HCN1: variants seen among roughly 807,000 people sequenced by gnomAD.
HCN1 encodes the protein hyperpolarization activated cyclic nucleotide gated potassium channel 1.
Under a neutral mutation model 78.9 loss-of-function variants are expected in HCN1, and 13 were observed. The ratio of observed to expected loss-of-function variants is 0.16; its 90% CI spans 0.11 to 0.26. The LOEUF (loss-of-function observed/expected upper bound fraction) is 0.26, where lower values mean the gene tolerates loss of function less well. HCN1 is among the 10% of genes least tolerant of loss of function. HCN1 has a pLI of 1.00. For missense variants in HCN1, 810 were observed against 1,154.3 expected (o/e 0.70, Z 4.32); for synonymous variants, 552 against 455.5 (o/e 1.21, Z -2.70).
At chr5:45,616,548 T>G (rs1273356791) in intron 2 of HCN1, among the ~76,000 whole-genome samples, 1 of 152,146 alleles carries the variant, frequency 6.6e-6, no homozygotes, top group East Asian at 1.9e-4. Context: ...TAAGATTTTC[T>G]CAGCGTTTAA....
intron 2 of HCN1, among the ~76,000 whole-genome samples, chr5:45,577,714 T>C (rs1215676452): frequency 6.6e-6 from 1 of 152,068 alleles, no homozygotes; most frequent in African/African-American, 2.4e-5. Context: ...AAATGAGCTT[T>C]ATAAGAACTT....
chr5:45,354,400 G>A (rs2111984558), intron 4 of HCN1, among the ~76,000 whole-genome samples: 2 of 152,034 alleles, frequency 1.3e-5, no homozygotes, highest in East Asian at 1.9e-4. Context: ...GGATAAAGAT[G>A]TCAAAATAAT....
chr5:45,343,497 T>C (rs1746629308), intron 5 of HCN1, among the ~76,000 whole-genome samples: 1 of 152,126 alleles, frequency 6.6e-6, no homozygotes, highest in South Asian at 2.1e-4. Flanking sequence ...CTAAAGTTAA[T>C]TGATAGCATT....
intron 2 of HCN1, among the ~76,000 whole-genome samples, chr5:45,569,862 C>T (rs1326269898): frequency 6.6e-6 from 1 of 151,878 alleles, no homozygotes; most frequent in Non-Finnish European, 1.5e-5. Context: ...CATCATCATC[C>T]TATGATTTGG....
At chr5:45,341,493 G>T (rs1306637304) in intron 5 of HCN1, among the ~76,000 whole-genome samples, 2 of 152,276 alleles carry the variant, frequency 1.3e-5, no homozygotes, top group Non-Finnish European at 1.5e-5. Context: ...TTTCTTCAAA[G>T]AATTTTAACT....
At chr5:45,494,437 T>C (rs918240840) in intron 2 of HCN1, among the ~76,000 whole-genome samples, 4 of 151,978 alleles carry the variant, frequency 2.6e-5, no homozygotes, top group African/African-American at 9.7e-5. Context: ...GCCCACTTTT[T>C]GATGGGGTTG....
At chr5:45,427,764 T>C (rs919812810) in intron 3 of HCN1, among the ~76,000 whole-genome samples, 1 of 152,136 alleles carries the variant, frequency 6.6e-6, no homozygotes, top group African/African-American at 2.4e-5. Flanking sequence ...ATAACATTTT[T>C]ACATTAAAAC....
intron 6 of HCN1, among the ~76,000 whole-genome samples, chr5:45,286,719 C>A (rs939304148): frequency 6.6e-6 from 1 of 151,926 alleles, no homozygotes; most frequent in African/African-American, 2.4e-5. Context: ...TTAGTGCATA[C>A]CATTAAAACA....
chr5:45,603,141 A>G (rs538596505), intron 2 of HCN1, among the ~76,000 whole-genome samples: 40 of 152,186 alleles, frequency 2.6e-4, no homozygotes, highest in African/African-American at 9.4e-4. Context: ...CACAACCTAT[A>G]ATATTGTAGG....
intron 3 of HCN1, among the ~76,000 whole-genome samples, chr5:45,457,780 T>A (rs1397649908): frequency 6.6e-6 from 1 of 152,110 alleles, no homozygotes; most frequent in South Asian, 2.1e-4. Context: ...AGCAATCACA[T>A]GTGAAAGAGA....
intron 3 of HCN1, among the ~76,000 whole-genome samples, chr5:45,404,501 T>A (rs934643763): frequency 6.7e-6 from 1 of 149,550 alleles, no homozygotes; most frequent in Non-Finnish European, 1.5e-5. Flanking sequence ...GAAAATAATT[T>A]TTTTTTTTTT....
At chr5:45,471,431 G>A (rs1296647876) in intron 2 of HCN1, among the ~76,000 whole-genome samples, 3 of 151,802 alleles carry the variant, frequency 2.0e-5, no homozygotes, top group Admixed American at 1.3e-4. Context: ...GCATATCTCC[G>A]AATGTGATTT....
intron 2 of HCN1, among the ~76,000 whole-genome samples, chr5:45,550,417 G>T (rs1262133879): frequency 6.6e-6 from 1 of 152,044 alleles, no homozygotes; most frequent in Admixed American, 6.6e-5. Context: ...AACACCACAT[G>T]TTCTCATTCA....
intron 2 of HCN1, among the ~76,000 whole-genome samples, chr5:45,530,705 C>T (rs1742824735): frequency 1.3e-5 from 2 of 152,022 alleles, no homozygotes; most frequent in African/African-American, 2.4e-5. Flanking sequence ...TAATTAATTT[C>T]CATTTTCCAA....
chr5:45,369,084 T>C (rs1747296284), intron 4 of HCN1, among the ~76,000 whole-genome samples: 1 of 151,818 alleles, frequency 6.6e-6, no homozygotes, highest in Non-Finnish European at 1.5e-5. Flanking sequence ...ATAACATTTA[T>C]TCTTTTTCAT....
intron 5 of HCN1, among the ~76,000 whole-genome samples, chr5:45,349,640 G>A (rs936048378): frequency 6.6e-6 from 1 of 151,978 alleles, no homozygotes. Context: ...GACGAATAAA[G>A]TAGAAAAGAG....
intron 4 of HCN1, among the ~76,000 whole-genome samples, chr5:45,368,521 C>T (rs956086117): frequency 2.0e-5 from 3 of 151,884 alleles, no homozygotes; most frequent in African/African-American, 7.2e-5. Flanking sequence ...ATGTTGTTCT[C>T]TCCCAGTTTT....
rs1745675949 is a variant in HCN1, at chr5:45,303,902, T to C, written c.1378-63A>G. ...ATTAATCATATCTGGAAGAAAAACA[T>C]GCTGAAATTTAAAATATATACAGCA... is the stretch of plus-strand genomic sequence containing the variant. On this transcript the variant is annotated intron_variant, in intron 5 of 7. Transcript: ENST00000303230. 4 of 1,434,590 alleles carry C rather than the reference T, an allele frequency of 2.8e-6. No homozygotes were observed. In the South Asian group the frequency reaches 3.5e-5, roughly 12 times the overall value. 88.9% of individuals were successfully genotyped at this position (1,434,590 alleles called of 1,614,324 possible). A position where few individuals can be genotyped will look rare whatever the true frequency, so the allele number is the denominator to read the frequency against.
intron 1 of HCN1, among the ~76,000 whole-genome samples, chr5:45,672,222 A>C (rs1392679118): frequency 1.3e-5 from 2 of 151,694 alleles, no homozygotes; most frequent in African/African-American, 2.4e-5. Context: ...TAAATCAAAT[A>C]TCTACTGTGC....
Sources: gnomAD v4.1 joint callset for allele counts (sites outside exome capture counted in the v4.1 genomes callset) on GRCh38, gnomAD v4.1.1 for gene constraint, MANE v1.5 for transcripts, NCBI Gene and HGNC (gene_info 2026-07-23, HGNC 2026-07-21) for gene names.